Variants in GRIA3 observed in about 807,000 individuals in gnomAD.
GRIA3 encodes the protein glutamate receptor 3.
A neutral mutation model predicts 63.0 loss-of-function variants in GRIA3; 3 were observed. The observed-to-expected ratio is 0.05, with a 90% confidence interval of 0.02 to 0.12. The LOEUF (loss-of-function observed/expected upper bound fraction) is 0.12, where lower values mean the gene tolerates loss of function less well. Ranked by LOEUF, GRIA3 falls within the 10% of genes least tolerant of loss-of-function variation. The pLI is 1.00. For synonymous variants in GRIA3, 274 were observed against 257.9 expected (o/e 1.06, Z -0.60); for missense variants, 347 against 700.9 (o/e 0.50, Z 5.70).
intron 12 of GRIA3, among the ~76,000 whole-genome samples, chrX:123,437,712 C>T (rs2045653338): frequency 9.0e-6 from 1 of 111,249 alleles, no homozygotes; most frequent in South Asian, 3.8e-4. Context: ...CATTTATGAG[C>T]AAAAGGAAAG....
At chrX:123,215,109 C>T in intron 2 of GRIA3, among the ~76,000 whole-genome samples, 1 of 112,174 alleles carries the variant, frequency 8.9e-6, no homozygotes, top group African/African-American at 3.2e-5. Flanking sequence ...GTTCGCCAAT[C>T]TAAAAAACTT....
intron 10 of GRIA3, among the ~76,000 whole-genome samples, chrX:123,407,998 G>A (rs777532429): frequency 1.6e-4 from 18 of 110,875 alleles, no homozygotes; most frequent in Non-Finnish European, 1.9e-5. Context: ...GTCTTGCTCT[G>A]TCAACCAGGC....
intron 2 of GRIA3, among the ~76,000 whole-genome samples, chrX:123,219,717 CA>C (rs1928245349): frequency 8.9e-6 from 1 of 112,162 alleles, no homozygotes; most frequent in Non-Finnish European, 1.9e-5. Context: ...CCTGACACAG[CA>C]AAGGGCCTCC....
Position 123,463,765 on chromosome X carries a change from G to GAAGA in GRIA3, c.2077-1099_2077-1096dup, listed in dbSNP as rs1261774911. On this transcript the variant is annotated intron_variant, in intron 12 of 15. Transcript: ENST00000620443. ...AAAGAAAGAAAAAGAGAGAAAGAAA[G>GAAGA]AAGAGAAAGAAAGAAAAAGAAAGAG... Among the ~76,000 whole-genome samples the GAAGA allele has an allele frequency of 9.8e-4, 86 of 87,884 alleles. 2 individuals carry two copies. Among genetic ancestry groups the GAAGA allele is most frequent in the African/African-American group, 5.9e-3 (81 of 13,740 alleles). 76.3% of individuals were successfully genotyped at this position (87,884 alleles called of 115,157 possible).
chrX:123,254,662 C>G lies in GRIA3; in HGVS notation c.508+1120C>G, dbSNP rs141956261. Among the ~76,000 whole-genome samples, 8 of 112,037 alleles carry G rather than the reference C, an allele frequency of 7.1e-5. No homozygotes were observed. In the East Asian group the frequency reaches 2.3e-3, roughly 32 times the overall value. ...CTTTACTCTCATTTTGCTGCATCAT[C>G]AAATCTTAATAGCAAATACTTAGGC... On this transcript the variant is annotated intron_variant, in intron 3 of 15. Coordinates refer to ENST00000620443, the MANE Select transcript of GRIA3 (RefSeq NM_007325.5).
intron 5 of GRIA3, among the ~76,000 whole-genome samples, chrX:123,388,464 C>A (rs900634314): frequency 2.7e-5 from 3 of 111,597 alleles, no homozygotes; most frequent in Non-Finnish European, 5.7e-5. Context: ...CCTGGCTGGT[C>A]TTGAACTCCT....
intron 4 of GRIA3, among the ~76,000 whole-genome samples, chrX:123,353,253 G>A (rs56076327): frequency 8.9e-6 from 1 of 111,757 alleles, no homozygotes; most frequent in Non-Finnish European, 1.9e-5. Context: ...GCAATTACTA[G>A]CATTTGCTAT....
intron 4 of GRIA3, among the ~76,000 whole-genome samples, chrX:123,333,792 G>A (rs921935349): frequency 9.0e-6 from 1 of 110,659 alleles, no homozygotes; most frequent in Non-Finnish European, 1.9e-5. Flanking sequence ...TCCTAATGGC[G>A]AGCTTCCAGA....
At chrX:123,380,524 C>T (rs1298040623) in intron 5 of GRIA3, among the ~76,000 whole-genome samples, 1 of 111,009 alleles carries the variant, frequency 9.0e-6, no homozygotes, top group Non-Finnish European at 1.9e-5. Context: ...TGTTTAAGTT[C>T]TTTGTAGATT....
At chrX:123,431,027 T>TACACACACACACACACAC (rs3050442) in intron 12 of GRIA3, among the ~76,000 whole-genome samples, 1,485 of 99,463 alleles carry the variant, frequency 0.015, 32 homozygotes, top group African/African-American at 0.05. Context: ...GTAACTCACA[T>TACACACACACACACACAC]ACACACACAC....
rs1310222629 is a variant in GRIA3, at chrX:123,184,625, C to A, written c.90C>A (p.Phe30Leu). 1.7e-6 allele frequency: 2 copies of A among 1,192,478 alleles called. No individual in the cohort carries two copies. Among genetic ancestry groups the A allele is most frequent in the African/African-American group, 3.6e-5 (2 of 56,212 alleles). ...LGLLGHSHGGFPNTISIGGLF... is the reference protein window; with the variant it reads ...LGLLGHSHGGLPNTISIGGLF... ...TTTTGGGTCATTCTCACGGAGGATT[C>A]CCCAACACCATCAGCATAGGTAAGC... Residue 30 changes from phenylalanine to leucine, a missense_variant, in exon 1 of 16, where the codon TTC becomes TTA. Around this residue, in one of 8 missense-constraint regions of GRIA3, gnomAD observed 36 missense variants for 28.2 expected, o/e 1.28. Coordinates refer to ENST00000620443, the MANE Select transcript of GRIA3 (RefSeq NM_007325.5).
chrX:123,282,732 C>T (rs2147301018), intron 3 of GRIA3, among the ~76,000 whole-genome samples: 1 of 112,284 alleles, frequency 8.9e-6, no homozygotes, highest in African/African-American at 3.2e-5. Context: ...ATGGCGAAAC[C>T]CTGTCTCTAC....
chrX:123,411,858 C>A lies in GRIA3; in HGVS notation c.1501-5544C>A, dbSNP rs149921076. Among the ~76,000 whole-genome samples, 360 of 110,962 alleles carry A rather than the reference C, an allele frequency of 3.2e-3. 1 individual carries two copies. Among genetic ancestry groups the A allele is most frequent in the Non-Finnish European group, 5.1e-3 (273 of 53,017 alleles). On this transcript the variant is annotated intron_variant, in intron 10 of 15. Coordinates refer to ENST00000620443, the MANE Select transcript of GRIA3 (RefSeq NM_007325.5). ...ATACCACTACTACACACTTACCCAC[C>A]TAGGTTTCTGAAAATAACTTGCCTA...
At chrX:123,391,153 G>C (rs778560000) in intron 5 of GRIA3, among the ~76,000 whole-genome samples, 1 of 111,189 alleles carries the variant, frequency 9.0e-6, no homozygotes, top group African/African-American at 3.3e-5. Context: ...ATTTCTTTTT[G>C]ATTGGGATCT....
intron 2 of GRIA3, among the ~76,000 whole-genome samples, chrX:123,188,405 T>C (rs1024220781): frequency 4.5e-5 from 5 of 111,361 alleles, no homozygotes; most frequent in African/African-American, 1.6e-4. Context: ...TGTTTCTCAT[T>C]TCTACCCCTG....
chrX:123,252,272 A>G (rs995657687), intron 2 of GRIA3, among the ~76,000 whole-genome samples: 1 of 112,475 alleles, frequency 8.9e-6, no homozygotes, highest in African/African-American at 3.2e-5. Context: ...CACTTGAAGA[A>G]GTAAACTTAA....
chrX:123,283,758 T>C (rs1284091037), intron 3 of GRIA3, among the ~76,000 whole-genome samples: 2 of 112,591 alleles, frequency 1.8e-5, no homozygotes, highest in Admixed American at 9.3e-5. Flanking sequence ...CAGGAGCTTA[T>C]AGATAAAACT....
chrX:123,202,554 C>T, intron 2 of GRIA3: 1 of 997,095 alleles, frequency 1.0e-6, no homozygotes, highest in South Asian at 2.3e-5. Flanking sequence ...TTTCCTCAAT[C>T]TTGAAGTGCC....
At chrX:123,217,574 T>C (rs780610932) in intron 2 of GRIA3, among the ~76,000 whole-genome samples, 2 of 112,266 alleles carry the variant, frequency 1.8e-5, no homozygotes, top group South Asian at 7.5e-4. Flanking sequence ...TCATGTCTTG[T>C]TTCCTCAGCA....
Sources: allele counts gnomAD v4.1 joint callset (sites outside exome capture counted in the v4.1 genomes callset), GRCh38; gene constraint gnomAD v4.1.1; regional missense constraint gnomAD v4.1.1; transcripts MANE v1.5; gene names NCBI Gene and HGNC (gene_info 2026-07-23, HGNC 2026-07-21).